The following DAB1 variants were observed in gnomAD, a reference collection of about 807,000 sequenced individuals.
The protein encoded by DAB1 is DAB adaptor protein 1.
DAB1 carries 15 observed loss-of-function variants against 64.6 expected under a neutral mutation model. That is an observed-to-expected ratio of 0.23 (90% CI 0.16 to 0.36). The LOEUF is 0.36. Among genes scored for constraint, DAB1 ranks in the 10% least tolerant of loss-of-function variants. The pLI is 1.00. For synonymous variants in DAB1, 235 were observed against 251.9 expected (o/e 0.93, Z 0.64); for missense variants, 596 against 706.7 (o/e 0.84, Z 1.78).
At chr1:58,514,204 A>AT (rs757224485) in intron 2 of DAB1, among the ~76,000 whole-genome samples, 35 of 152,206 alleles carry the variant, frequency 2.3e-4, no homozygotes, top group Non-Finnish European at 4.6e-4. Flanking sequence ...GAGAATATAA[A>AT]TGTATATGAA....
At chr1:58,274,543 G>T (rs1439758402) in intron 4 of DAB1, among the ~76,000 whole-genome samples, 1 of 141,348 alleles carries the variant, frequency 7.1e-6, no homozygotes, top group Non-Finnish European at 1.5e-5. Flanking sequence ...CCCAGTTCGA[G>T]CTTCCTGGCT....
chr1:57,782,238 G>A (rs1313364057), intron 6 of DAB1, among the ~76,000 whole-genome samples: 1 of 152,078 alleles, frequency 6.6e-6, no homozygotes, highest in Non-Finnish European at 1.5e-5. Context: ...CTTAAAACTA[G>A]AGAATAAAAT....
intron 14 of DAB1, 138 bp downstream of exon 14, chr1:57,010,542 T>C: frequency 2.1e-6 from 1 of 471,304 alleles, no homozygotes; most frequent in Non-Finnish European, 3.9e-6. Context: ...GAAGGAGCGA[T>C]GGTGCAAACA....
intron 3 of DAB1, among the ~76,000 whole-genome samples, chr1:58,400,531 G>A (rs1180899865): frequency 6.6e-6 from 1 of 152,210 alleles, no homozygotes; most frequent in Non-Finnish European, 1.5e-5. Flanking sequence ...GAAGTTTAGA[G>A]AAACAGACAG....
At chr1:58,264,760 T>C (rs773107822) in intron 4 of DAB1, among the ~76,000 whole-genome samples, 1 of 152,190 alleles carries the variant, frequency 6.6e-6, no homozygotes, top group East Asian at 1.9e-4. Flanking sequence ...ACCATCTAAA[T>C]GTAGGGGGTG....
intron 13 of DAB1, 107 bp from the exon 14 acceptor site, chr1:57,010,897 G>T: frequency 1.1e-6 from 1 of 920,992 alleles, no homozygotes; most frequent in Non-Finnish European, 1.6e-6. Context: ...TTGTAAAGGA[G>T]GGTGCAACGG....
chr1:57,812,045 C>A (rs1651645094), intron 6 of DAB1, among the ~76,000 whole-genome samples: 1 of 152,036 alleles, frequency 6.6e-6, no homozygotes, highest in African/African-American at 2.4e-5. Flanking sequence ...GAAGCCTACA[C>A]CTCTCCTTTT....
chr1:57,861,359 G>A (rs1426173085), intron 1 of DAB1, among the ~76,000 whole-genome samples: 1 of 152,236 alleles, frequency 6.6e-6, no homozygotes, highest in South Asian at 2.1e-4. Flanking sequence ...GTCAGATTCT[G>A]ATGAGGGCCC....
intron 2 of DAB1, among the ~76,000 whole-genome samples, chr1:58,516,573 T>C (rs1435684212): frequency 1.3e-5 from 2 of 152,118 alleles, no homozygotes; most frequent in Non-Finnish European, 2.9e-5. Flanking sequence ...AGAACTCCTA[T>C]AAAAACATAA....
intron 7 of DAB1, among the ~76,000 whole-genome samples, chr1:57,593,057 C>T (rs1017216814): frequency 6.6e-6 from 1 of 152,150 alleles, no homozygotes; most frequent in African/African-American, 2.4e-5. Context: ...GCATTAGGTA[C>T]GTTCACATTG....
At chr1:57,625,677 T>C (rs942182914) in intron 7 of DAB1, among the ~76,000 whole-genome samples, 9 of 152,052 alleles carry the variant, frequency 5.9e-5, no homozygotes, top group African/African-American at 2.2e-4. Flanking sequence ...TAGGCAATTA[T>C]AGAGACTTTA....
intron 7 of DAB1, among the ~76,000 whole-genome samples, chr1:57,598,512 C>G (rs1391471663): frequency 6.6e-6 from 1 of 152,202 alleles, no homozygotes; most frequent in East Asian, 1.9e-4. Context: ...CTCTGGCCTA[C>G]TCAGCAAGGG....
At chr1:57,133,871 C>T (rs1255664947) in intron 4 of DAB1, among the ~76,000 whole-genome samples, 1 of 152,118 alleles carries the variant, frequency 6.6e-6, no homozygotes, top group East Asian at 1.9e-4. Context: ...TCATTTAGAA[C>T]CCATGCTGAA....
chr1:58,025,555 T>C (rs988347906), intron 5 of DAB1, among the ~76,000 whole-genome samples: 5 of 148,518 alleles, frequency 3.4e-5, no homozygotes, highest in African/African-American at 1.2e-4. Flanking sequence ...ATATTATATA[T>C]ATATAGAGAG....
chr1:57,803,522 G>A (rs1050497093), intron 6 of DAB1, among the ~76,000 whole-genome samples: 2 of 152,240 alleles, frequency 1.3e-5, no homozygotes, highest in Non-Finnish European at 2.9e-5. Flanking sequence ...CATTGCATAT[G>A]TGGAGGGACA....
intron 4 of DAB1, among the ~76,000 whole-genome samples, chr1:58,226,143 A>G (rs1031069155): frequency 6.6e-6 from 1 of 152,050 alleles, no homozygotes; most frequent in Non-Finnish European, 1.5e-5. Flanking sequence ...GCCATCTCCA[A>G]GTCATGGTAT....
chr1:57,714,329 G>A (rs1647060216), intron 6 of DAB1, among the ~76,000 whole-genome samples: 2 of 152,118 alleles, frequency 1.3e-5, no homozygotes, highest in South Asian at 4.1e-4. Context: ...TGTGAACCCA[G>A]GAAATCTGGG....
At chr1:58,409,865 T>G (rs927452994) in intron 3 of DAB1, among the ~76,000 whole-genome samples, 10 of 152,206 alleles carry the variant, frequency 6.6e-5, no homozygotes, top group Non-Finnish European at 1.3e-4. Flanking sequence ...TTTACTTCCT[T>G]CCCAATTTTG....
intron 7 of DAB1, among the ~76,000 whole-genome samples, chr1:57,454,080 G>A (rs1326803646): frequency 6.6e-6 from 1 of 152,082 alleles, no homozygotes; most frequent in Admixed American, 6.6e-5. Flanking sequence ...CTGTAGCTAA[G>A]GTGCTTGTGG....
Sources: allele counts gnomAD v4.1 joint callset (sites outside exome capture counted in the v4.1 genomes callset), GRCh38; gene constraint gnomAD v4.1.1; transcripts MANE v1.5; gene names NCBI Gene and HGNC (gene_info 2026-07-23, HGNC 2026-07-21).